ANTXR2: variants seen among roughly 807,000 people sequenced by gnomAD.
ANTXR2 encodes anthrax toxin receptor 2.
Under a neutral mutation model 73.7 loss-of-function variants are expected in ANTXR2, and 44 were observed. That is an observed-to-expected ratio of 0.60 (90% CI 0.47 to 0.77). The LOEUF (loss-of-function observed/expected upper bound fraction) is 0.77. Among genes scored for constraint, ANTXR2 ranks in the 30% least tolerant of loss-of-function variants. The pLI is 0.00. For missense variants in ANTXR2, 604 were observed against 592.5 expected (o/e 1.02, Z -0.20); for synonymous variants, 217 against 205.9 (o/e 1.05, Z -0.46).
At chr4:79,922,615 T>C (rs995860565) in intron 16 of ANTXR2, among the ~76,000 whole-genome samples, 2 of 152,102 alleles carry the variant, frequency 1.3e-5, no homozygotes, top group East Asian at 3.9e-4. Context: ...AACTAATATG[T>C]ATTAAGTTAG....
intron 9 of ANTXR2, among the ~76,000 whole-genome samples, chr4:80,032,364 T>C (rs745369912): frequency 1.3e-5 from 2 of 151,820 alleles, no homozygotes; most frequent in African/African-American, 2.4e-5. Flanking sequence ...CAAAAGGAGC[T>C]AGGTGAAGCT....
At chr4:79,961,401 G>A (rs1301804198) in intron 16 of ANTXR2, among the ~76,000 whole-genome samples, 3 of 151,498 alleles carry the variant, frequency 2.0e-5, no homozygotes, top group Admixed American at 2.0e-4. Flanking sequence ...TTTAGTCCTG[G>A]ACCACCAAGA....
At chr4:79,979,888 G>T (rs1415251413) in intron 14 of ANTXR2, among the ~76,000 whole-genome samples, 2 of 152,106 alleles carry the variant, frequency 1.3e-5, no homozygotes, top group Non-Finnish European at 2.9e-5. Context: ...AGACACAAAT[G>T]TCTTAACTTA....
intron 12 of ANTXR2, among the ~76,000 whole-genome samples, chr4:79,990,990 C>T (rs1216737355): frequency 6.6e-6 from 1 of 151,706 alleles, no homozygotes; most frequent in African/African-American, 2.4e-5. Context: ...AATATAAAAC[C>T]TAAAACTCTA....
chr4:80,071,466 A>C lies in ANTXR2; in HGVS notation c.224+117T>G. 6.2e-6 allele frequency: 5 copies of C among 808,232 alleles called. No homozygotes were observed. In the South Asian group the frequency reaches 7.4e-5, roughly 12 times the overall value. 50.1% of individuals were successfully genotyped at this position (808,232 alleles called of 1,614,324 possible). The stretch of plus-strand genomic sequence containing the variant: ...ACAGCATGTGTGCAATACGACCTTG[A>C]GGCACTTAAAAGTAACATTTCAGGA... On this transcript the variant is annotated intron_variant, in intron 2 of 16. Coordinates refer to ENST00000403729, the MANE Select transcript of ANTXR2 (RefSeq NM_058172.6).
At chr4:79,950,441 A>C (rs1010858596) in intron 16 of ANTXR2, among the ~76,000 whole-genome samples, 14 of 152,188 alleles carry the variant, frequency 9.2e-5, no homozygotes, top group Admixed American at 9.2e-4. Context: ...AGCTATGAAA[A>C]TAGCTGCTGC....
intron 16 of ANTXR2, among the ~76,000 whole-genome samples, chr4:79,944,186 G>C (rs1368985249): frequency 1.5e-5 from 1 of 66,942 alleles, no homozygotes. Flanking sequence ...AGAGGCAAGA[G>C]CTCTAGAATT....
At chr4:79,914,056 C>CT (rs892637543) in intron 16 of ANTXR2, among the ~76,000 whole-genome samples, 83 of 151,112 alleles carry the variant, frequency 5.5e-4, no homozygotes, top group East Asian at 3.5e-3. Context: ...AGCATTCTCT[C>CT]TTTTTTTTTG....
At chr4:80,000,246 CA>C (rs1467388181) in intron 12 of ANTXR2, among the ~76,000 whole-genome samples, 1 of 151,816 alleles carries the variant, frequency 6.6e-6, no homozygotes, top group Non-Finnish European at 1.5e-5. Context: ...CCACATTTCC[CA>C]TTGTATATAT....
intron 10 of ANTXR2, among the ~76,000 whole-genome samples, chr4:80,025,297 A>C (rs1011140543): frequency 8.5e-5 from 13 of 152,312 alleles, no homozygotes; most frequent in African/African-American, 3.1e-4. Flanking sequence ...CCAAAACAGG[A>C]GAATGGCTCA....
intron 8 of ANTXR2, 123 bp downstream of exon 8, chr4:80,035,849 C>CA (rs1180831298): frequency 5.2e-6 from 4 of 775,156 alleles, no homozygotes; most frequent in Admixed American, 3.2e-5. Flanking sequence ...AATTCTTACA[C>CA]AAAAAAGATG....
At chr4:79,976,620 C>G (rs1475168903) in intron 16 of ANTXR2, among the ~76,000 whole-genome samples, 1 of 152,192 alleles carries the variant, frequency 6.6e-6, no homozygotes, top group Non-Finnish European at 1.5e-5. Flanking sequence ...CTGAGCTGCT[C>G]CTCTGAGCAC....
intron 16 of ANTXR2, among the ~76,000 whole-genome samples, chr4:79,910,440 C>T (rs1727078234): frequency 2.9e-5 from 4 of 139,438 alleles, no homozygotes; most frequent in Admixed American, 7.9e-5. Flanking sequence ...ACCCGGGAGG[C>T]GGAGGTTGCA....
intron 10 of ANTXR2, among the ~76,000 whole-genome samples, chr4:80,030,187 A>G (rs1025352849): frequency 6.6e-6 from 1 of 152,056 alleles, no homozygotes; most frequent in Non-Finnish European, 1.5e-5. Flanking sequence ...AGATTTGTTG[A>G]TAGACTGGGT....
At chr4:79,921,555 T>G (rs1727587787) in intron 16 of ANTXR2, among the ~76,000 whole-genome samples, 1 of 152,108 alleles carries the variant, frequency 6.6e-6, no homozygotes, top group South Asian at 2.1e-4. Flanking sequence ...ACAAATATTA[T>G]AAAACTTCAC....
intron 15 of ANTXR2, 69 bp downstream of exon 15, chr4:79,977,938 T>C: frequency 6.8e-7 from 1 of 1,477,632 alleles, no homozygotes; most frequent in South Asian, 1.3e-5. Context: ...GCTGGGGGGA[T>C]GTGGTACAAA....
At chr4:80,062,227 C>T (rs1460980445) in intron 3 of ANTXR2, among the ~76,000 whole-genome samples, 4 of 152,152 alleles carry the variant, frequency 2.6e-5, no homozygotes, top group African/African-American at 4.8e-5. Flanking sequence ...ACAAAATACC[C>T]TGTACAATCT....
intron 7 of ANTXR2, among the ~76,000 whole-genome samples, chr4:80,041,465 A>T (rs1168831946): frequency 1.3e-5 from 2 of 151,752 alleles, no homozygotes; most frequent in Non-Finnish European, 2.9e-5. Flanking sequence ...ATTTTTTTTT[A>T]ATTTTAATTT....
intron 14 of ANTXR2, among the ~76,000 whole-genome samples, chr4:79,980,340 T>C (rs957321964): frequency 6.6e-6 from 1 of 152,148 alleles, no homozygotes; most frequent in South Asian, 2.1e-4. Flanking sequence ...CAATTAAATA[T>C]ACATATATAT....
Sources: gnomAD v4.1 joint callset for allele counts (sites outside exome capture counted in the v4.1 genomes callset) on GRCh38, gnomAD v4.1.1 for gene constraint, MANE v1.5 for transcripts, NCBI Gene and HGNC (gene_info 2026-07-23, HGNC 2026-07-21) for gene names.